The following TMC1 variants were observed in gnomAD, a reference collection of about 807,000 sequenced individuals.
The protein encoded by TMC1 is transmembrane channel like 1, also known as transmembrane channel-like protein 1.
In TMC1, 84 loss-of-function variants were observed where a neutral mutation model predicts 105.8. The observed-to-expected ratio is 0.79, with a 90% confidence interval of 0.67 to 0.95. TMC1 has a LOEUF of 0.95. Ranked by LOEUF, TMC1 falls within the 40% of genes least tolerant of loss-of-function variation. The pLI is 0.00. For synonymous variants in TMC1, 315 were observed against 311.5 expected (o/e 1.01, Z -0.12); for missense variants, 817 against 914.1 (o/e 0.89, Z 1.37).
intron 10 of TMC1, among the ~76,000 whole-genome samples, chr9:72,747,159 G>T (rs1827502935): frequency 6.6e-6 from 1 of 151,964 alleles, no homozygotes; most frequent in South Asian, 2.1e-4. Flanking sequence ...AAATAGCTTT[G>T]GATAGGCAAG....
chr9:72,709,096 C>T (rs1826792979), intron 8 of TMC1, among the ~76,000 whole-genome samples: 1 of 151,984 alleles, frequency 6.6e-6, no homozygotes, highest in African/African-American at 2.4e-5. Context: ...GGGGGATCCT[C>T]TCTTGCTGCA....
chr9:72,810,586 A>C (rs945184764), intron 18 of TMC1, among the ~76,000 whole-genome samples: 1 of 151,320 alleles, frequency 6.6e-6, no homozygotes, highest in Admixed American at 6.6e-5. Context: ...ATAAATATAC[A>C]CATATATACT....
In TMC1 at chr9:72,789,265, A is replaced by G; in HGVS notation, c.1172A>G (p.Gln391Arg). ...YLIFWAVKRS[Q>R]EFAQQDPDTL... ...ATCTTTTGGGCTGTGAAGCGATCCCAGGAATTTGCACAGCAAGATCCTGAC... is the reference window on the plus strand; with the variant it reads ...ATCTTTTGGGCTGTGAAGCGATCCCGGGAATTTGCACAGCAAGATCCTGAC... Residue 391 changes from glutamine (Q) to arginine (R), a missense_variant, in exon 15 of 24, where the codon CAG becomes CGG. Gln to Arg is a conservative substitution (Grantham distance 43, BLOSUM62 1). Transcript: ENST00000297784. The G allele has an allele frequency of 6.2e-7, 1 of 1,614,096 alleles. No homozygotes were observed. The highest frequency in any genetic ancestry group is 8.5e-7 in the Non-Finnish European group (1 of 1,179,940).
chr9:72,776,171 C>A (rs183466449), intron 13 of TMC1, among the ~76,000 whole-genome samples: 193 of 152,098 alleles, frequency 1.3e-3, no homozygotes, highest in African/African-American at 4.5e-3. Context: ...TTCTTGGATA[C>A]TTAAATCATG....
At chr9:72,613,802 G>A (rs1435547137) in intron 2 of TMC1, among the ~76,000 whole-genome samples, 5 of 152,038 alleles carry the variant, frequency 3.3e-5, no homozygotes, top group Admixed American at 1.3e-4. Context: ...CAGGATTAAC[G>A]AAAGTCTCAG....
chr9:72,756,600 T>A (rs770886170), intron 12 of TMC1, among the ~76,000 whole-genome samples: 2 of 152,188 alleles, frequency 1.3e-5, no homozygotes, highest in Non-Finnish European at 2.9e-5. Context: ...ATTCTCTTCC[T>A]CTGATTAGCA....
At chr9:72,788,554 C>A in intron 14 of TMC1, 71 bp downstream of exon 14, 2 of 1,472,382 alleles carry the variant, frequency 1.4e-6, no homozygotes, top group Non-Finnish European at 9.5e-7. Context: ...TCCATCTGGT[C>A]CAGTAGTGCA....
chr9:72,608,592 A>G (rs1156599664), intron 2 of TMC1, among the ~76,000 whole-genome samples: 2 of 152,036 alleles, frequency 1.3e-5, no homozygotes, highest in East Asian at 3.9e-4. Flanking sequence ...CTGTAATTCC[A>G]GCTACTCGGG....
intron 4 of TMC1, among the ~76,000 whole-genome samples, chr9:72,635,199 G>A (rs1825513392): frequency 6.6e-6 from 1 of 151,666 alleles, no homozygotes; most frequent in South Asian, 2.1e-4. Flanking sequence ...GTTGCAGTAA[G>A]CCAAGATTGT....
chr9:72,706,836 G>C (rs1411972615), intron 8 of TMC1, among the ~76,000 whole-genome samples: 1 of 150,292 alleles, frequency 6.7e-6, no homozygotes, highest in African/African-American at 2.5e-5. Context: ...GTGCAGTGGC[G>C]TGATCTCGGC....
chr9:72,639,699 A>G (rs1236215752), intron 4 of TMC1, among the ~76,000 whole-genome samples: 1 of 152,214 alleles, frequency 6.6e-6, no homozygotes, highest in Non-Finnish European at 1.5e-5. Flanking sequence ...CTTAGCTAAT[A>G]CATAGAGGAA....
At chr9:72,594,725 C>T (rs1343902171) in intron 2 of TMC1, among the ~76,000 whole-genome samples, 2 of 152,116 alleles carry the variant, frequency 1.3e-5, no homozygotes, top group Non-Finnish European at 2.9e-5. Context: ...CTCATATTCT[C>T]CTCATGAATT....
At chr9:72,832,623 G>T (rs962016168) in intron 23 of TMC1, among the ~76,000 whole-genome samples, 1 of 152,084 alleles carries the variant, frequency 6.6e-6, no homozygotes, top group Non-Finnish European at 1.5e-5. Flanking sequence ...AGGATGCTGG[G>T]TGTCCCCAAA....
At position 72,751,959 on chromosome 9, in the gene TMC1, G is replaced by A. The variant is rs1395550842; in HGVS notation, c.642+3G>A. 4 of 1,567,096 alleles carry A rather than the reference G, an allele frequency of 2.6e-6. No homozygotes were observed. Among genetic ancestry groups the A allele is most frequent in the Admixed American group, 1.7e-5 (1 of 59,946 alleles). ...TTAGCCTCATCATGTTGCCAGAGGT[G>A]AGATCTGACTTCCAGTTTACAAAAC... On this transcript the variant is annotated splice_donor_region_variant and intron_variant, in intron 11 of 23. Transcript: ENST00000297784.
intron 1 of TMC1, among the ~76,000 whole-genome samples, chr9:72,522,410 T>G (rs574086298): frequency 6.6e-6 from 1 of 152,222 alleles, no homozygotes; most frequent in African/African-American, 2.4e-5. Flanking sequence ...CTAATTGATA[T>G]GTTTAAATGT....
At chr9:72,575,183 TTTTG>T (rs1401853141) in intron 1 of TMC1, among the ~76,000 whole-genome samples, 5 of 152,278 alleles carry the variant, frequency 3.3e-5, no homozygotes, top group African/African-American at 7.2e-5. Context: ...AATTAGGTTT[TTTTG>T]TTTGTTTGTT....
chr9:72,705,738 T>C (rs1275718779), intron 8 of TMC1, among the ~76,000 whole-genome samples: 2 of 152,220 alleles, frequency 1.3e-5, no homozygotes, highest in East Asian at 3.8e-4. Flanking sequence ...ACAGAAACAC[T>C]CCAAGTATAC....
At chr9:72,764,801 A>ACAACTAACAT (rs1280955724) in intron 12 of TMC1, among the ~76,000 whole-genome samples, 1 of 152,196 alleles carries the variant, frequency 6.6e-6, no homozygotes, top group East Asian at 1.9e-4. Context: ...AGATGTTGGG[A>ACAACTAACAT]ATACAAAGAC....
intron 10 of TMC1, among the ~76,000 whole-genome samples, chr9:72,749,567 T>TGCTGG (rs1827544693): frequency 6.6e-6 from 1 of 152,062 alleles, no homozygotes; most frequent in Non-Finnish European, 1.5e-5. Flanking sequence ...CTGGTGACAG[T>TGCTGG]GCTGGGCTGG....
Sources: gnomAD v4.1 joint callset for allele counts (sites outside exome capture counted in the v4.1 genomes callset) on GRCh38, gnomAD v4.1.1 for gene constraint, MANE v1.5 for transcripts, NCBI Gene and HGNC (gene_info 2026-07-23, HGNC 2026-07-21) for gene names.